Variants in PTPN3 observed in about 807,000 individuals in gnomAD.
PTPN3 encodes the protein protein tyrosine phosphatase non-receptor type 3.
PTPN3 carries 96 observed loss-of-function variants against 132.7 expected under a neutral mutation model. The observed-to-expected ratio is 0.72, with a 90% CI of 0.61 to 0.86. PTPN3 has a LOEUF of 0.86. PTPN3 is among the 40% of genes least tolerant of loss of function. The probability of loss-of-function intolerance (pLI) is 0.00; values close to 1 mark genes in which losing one functional copy is unlikely to be tolerated. For synonymous variants in PTPN3, 398 were observed against 429.0 expected, an observed-to-expected ratio of 0.93 and a Z score of 0.89; for missense variants, 1,125 against 1,159.6, an observed-to-expected ratio of 0.97 and a Z score of 0.43.
intron 2 of PTPN3, 92 bp downstream of exon 2, chr9:109,463,205 A>AT: frequency 7.8e-7 from 1 of 1,276,170 alleles, no homozygotes; most frequent in Non-Finnish European, 1.1e-6. Context: ...ATTTTAAAAT[A>AT]TTTTTTTCTT....
chr9:109,392,754 TC>T (rs1314100102), intron 19 of PTPN3: 1 of 152,056 alleles, frequency 6.6e-6, no homozygotes, highest in Non-Finnish European at 1.5e-5. Context: ...CAGGTGTGCA[TC>T]ACCATGCCTG....
chr9:109,471,671 C>CTTT (rs34232860), intron 1 of PTPN3, among the ~76,000 whole-genome samples: 8 of 147,322 alleles, frequency 5.4e-5, no homozygotes, highest in East Asian at 2.0e-4. Context: ...ATGGAAGGCA[C>CTTT]TTTTTTTTTT....
At chr9:109,397,032 G>A (rs1183661097) in intron 19 of PTPN3, among the ~76,000 whole-genome samples, 1 of 152,044 alleles carries the variant, frequency 6.6e-6, no homozygotes, top group Non-Finnish European at 1.5e-5. Context: ...ATTCCTGAAG[G>A]CTGAGAACCC....
At chr9:109,474,610 T>C (rs1846549579) in intron 1 of PTPN3, among the ~76,000 whole-genome samples, 2 of 152,108 alleles carry the variant, frequency 1.3e-5, no homozygotes, top group Non-Finnish European at 2.9e-5. Flanking sequence ...GCAAAACCCA[T>C]GTGCAAAGGT....
At chr9:109,453,947 G>A (rs78885472) in intron 5 of PTPN3, among the ~76,000 whole-genome samples, 20 of 152,002 alleles carry the variant, frequency 1.3e-4, no homozygotes, top group East Asian at 7.7e-4. Flanking sequence ...CCTGGGAGGC[G>A]GAGGTTGCAG....
At chr9:109,408,479 C>A in intron 16 of PTPN3, 102 bp from the exon 17 acceptor site, 1 of 787,982 alleles carries the variant, frequency 1.3e-6, no homozygotes, top group Admixed American at 2.5e-5. Flanking sequence ...ATGGAGGTAC[C>A]AATAAATGTG....
chr9:109,495,899 AC>A (rs1415027845), intron 1 of PTPN3, among the ~76,000 whole-genome samples: 5 of 152,164 alleles, frequency 3.3e-5, no homozygotes, highest in African/African-American at 1.2e-4. Flanking sequence ...CTGAGGGCCC[AC>A]CACCTGTCTG....
At chr9:109,472,049 C>T (rs576990991) in intron 1 of PTPN3, among the ~76,000 whole-genome samples, 25 of 152,300 alleles carry the variant, frequency 1.6e-4, no homozygotes, top group African/African-American at 5.5e-4. Flanking sequence ...TCCCATCACT[C>T]GGTCTGGGAG....
chr9:109,475,721 C>T (rs959326913), intron 1 of PTPN3, among the ~76,000 whole-genome samples: 1 of 152,154 alleles, frequency 6.6e-6, no homozygotes, highest in Non-Finnish European at 1.5e-5. Context: ...CCCTTTACAG[C>T]CAAAAGCAGC....
intron 9 of PTPN3, among the ~76,000 whole-genome samples, chr9:109,436,133 G>A (rs1217848783): frequency 6.6e-6 from 1 of 152,176 alleles, no homozygotes; most frequent in Non-Finnish European, 1.5e-5. Context: ...TATATAGTAG[G>A]TGCTCAATTA....
the PTPN3 span, among the ~76,000 whole-genome samples, chr9:109,534,929 C>A: frequency 2.0e-5 from 3 of 152,200 alleles, no homozygotes; most frequent in Non-Finnish European, 4.4e-5. Flanking sequence ...AGCTCTTTTT[C>A]TAAACCTATT....
chr9:109,436,469 C>T (rs1264907341), intron 9 of PTPN3, among the ~76,000 whole-genome samples: 1 of 152,128 alleles, frequency 6.6e-6, no homozygotes, highest in East Asian at 1.9e-4. Flanking sequence ...AATTATATCA[C>T]CATAATCTTT....
chr9:109,515,431 C>T, the PTPN3 span, among the ~76,000 whole-genome samples: 2 of 152,202 alleles, frequency 1.3e-5, no homozygotes, highest in African/African-American at 4.8e-5. Context: ...GGGTCTTATA[C>T]TTCTCCATAC....
rs1838594621 is a variant in PTPN3, at chr9:109,376,872, C to T, written c.*2684G>A. On this transcript the variant is annotated 3_prime_UTR_variant, in exon 26 of 26. Coordinates refer to ENST00000374541, the MANE Select transcript of PTPN3 (RefSeq NM_002829.4). ...TCTTGTCTTGTTCTTCCCAGTATTT[C>T]CTGGATTTGTTCCTGGCAACCTCGC... is the stretch of plus-strand genomic sequence containing the variant. The T allele has an allele frequency of 6.6e-6, 1 of 152,200 alleles. No individual in the cohort carries two copies. The highest frequency in any genetic ancestry group is 1.5e-5 in the Non-Finnish European group (1 of 68,040). 9.4% of individuals were successfully genotyped at this position (152,200 alleles called of 1,614,324 possible).
At chr9:109,399,273 C>T (rs757351071) in intron 19 of PTPN3, among the ~76,000 whole-genome samples, 11 of 152,300 alleles carry the variant, frequency 7.2e-5, no homozygotes, top group East Asian at 1.9e-4. Flanking sequence ...GCAATCGTCC[C>T]GCCTCAGCCT....
intron 11 of PTPN3, among the ~76,000 whole-genome samples, chr9:109,427,804 T>C (rs1479951362): frequency 6.6e-6 from 1 of 152,162 alleles, no homozygotes; most frequent in Non-Finnish European, 1.5e-5. Flanking sequence ...ATATTACCTT[T>C]GAAAAATTGG....
chr9:109,523,899 T>C, the PTPN3 span, among the ~76,000 whole-genome samples: 1 of 152,146 alleles, frequency 6.6e-6, no homozygotes, highest in Non-Finnish European at 1.5e-5. Flanking sequence ...CTGTTTGCAA[T>C]GACCTCCCTG....
intron 14 of PTPN3, among the ~76,000 whole-genome samples, chr9:109,415,072 A>ATCCGTCCATCCGTCCG (rs1564413708): frequency 1.1e-5 from 1 of 88,316 alleles, no homozygotes; most frequent in Non-Finnish European, 2.3e-5. Flanking sequence ...CCGTCCGTCC[A>ATCCGTCCATCCGTCCG]TCCAACCATC....
the PTPN3 span, among the ~76,000 whole-genome samples, chr9:109,537,504 C>G: frequency 6.9e-6 from 1 of 145,260 alleles, no homozygotes; most frequent in Admixed American, 7.0e-5. Context: ...TCCGGGTTTC[C>G]TTTTCTTTCT....
Sources: gnomAD v4.1 joint callset for allele counts (sites outside exome capture counted in the v4.1 genomes callset) on GRCh38, gnomAD v4.1.1 for gene constraint, MANE v1.5 for transcripts, NCBI Gene and HGNC (gene_info 2026-07-23, HGNC 2026-07-21) for gene names.